Variants in BRWD3 observed in about 807,000 individuals in gnomAD.
The protein encoded by BRWD3 is bromodomain and WD repeat domain containing 3.
A neutral mutation model predicts 149.7 loss-of-function variants in BRWD3; 10 were observed. The ratio of observed to expected loss-of-function variants is 0.07; its 90% CI spans 0.04 to 0.11. The LOEUF (loss-of-function observed/expected upper bound fraction) is 0.11, where lower values mean the gene tolerates loss of function less well. Among genes scored for constraint, BRWD3 ranks in the 10% least tolerant of loss-of-function variants. The pLI is 1.00. For missense variants in BRWD3, 940 were observed against 1,373.2 expected, an observed-to-expected ratio of 0.68 and a Z score of 4.99; for synonymous variants, 504 against 456.7, an observed-to-expected ratio of 1.10 and a Z score of -1.32.
chrX:80,679,947 G>A (rs1479954107), intron 40 of BRWD3, among the ~76,000 whole-genome samples: 1 of 111,408 alleles, frequency 9.0e-6, no homozygotes, highest in Admixed American at 9.5e-5. Flanking sequence ...AAGATCAGAG[G>A]AGACACTAAA....
intron 14 of BRWD3, among the ~76,000 whole-genome samples, chrX:80,725,878 G>A (rs1311573580): frequency 9.3e-6 from 1 of 107,863 alleles, no homozygotes. Context: ...GTTTACATGT[G>A]TTACATGCCT....
chrX:80,692,335 G>A (rs2072624190), intron 28 of BRWD3, among the ~76,000 whole-genome samples, 185 bp from the exon 29 acceptor site: 1 of 111,809 alleles, frequency 8.9e-6, no homozygotes, highest in Admixed American at 9.5e-5. Flanking sequence ...ATGGTCCATC[G>A]CTATGAAACT....
chrX:80,793,935 T>G (rs2074209616), intron 4 of BRWD3, among the ~76,000 whole-genome samples, 163 bp from the exon 5 acceptor site: 1 of 112,518 alleles, frequency 8.9e-6, no homozygotes, highest in African/African-American at 3.2e-5. Context: ...TCCCAAAACT[T>G]TGGGAGGCTG....
chrX:80,686,406 G>T (rs1019938129), intron 35 of BRWD3, among the ~76,000 whole-genome samples: 2 of 106,231 alleles, frequency 1.9e-5, no homozygotes, highest in African/African-American at 3.4e-5. Flanking sequence ...ATGTACCCTA[G>T]AACTTAAAGT....
At chrX:80,755,195 C>T (rs970028187) in intron 6 of BRWD3, among the ~76,000 whole-genome samples, 3 of 109,211 alleles carry the variant, frequency 2.7e-5, no homozygotes, top group Admixed American at 9.8e-5. Context: ...TTTTAAAAAC[C>T]GCTTTACAAA....
chrX:80,756,229 C>T (rs931659605), intron 6 of BRWD3, among the ~76,000 whole-genome samples: 2 of 110,422 alleles, frequency 1.8e-5, no homozygotes, highest in African/African-American at 3.3e-5. Context: ...TAAGAAATAA[C>T]GTCGGCTCAT....
intron 14 of BRWD3, among the ~76,000 whole-genome samples, chrX:80,726,880 A>C (rs1011514369): frequency 1.8e-5 from 2 of 110,865 alleles, no homozygotes; most frequent in Non-Finnish European, 3.8e-5. Context: ...TCCCTTGCTA[A>C]AAGAATCAAT....
At chrX:80,724,218 T>C (rs187999644) in intron 15 of BRWD3, among the ~76,000 whole-genome samples, 9 of 112,061 alleles carry the variant, frequency 8.0e-5, no homozygotes, top group African/African-American at 2.9e-4. Context: ...TAAGTTGTAA[T>C]GCAATGAAGT....
intron 8 of BRWD3, among the ~76,000 whole-genome samples, chrX:80,737,041 C>T (rs1231852067): frequency 1.8e-5 from 2 of 111,963 alleles, no homozygotes; most frequent in Admixed American, 1.9e-4. Context: ...AAGTAATTTA[C>T]TTAGCTTCTT....
At chrX:80,723,608 C>A in intron 16 of BRWD3, 140 bp downstream of exon 16, 1 of 643,012 alleles carries the variant, frequency 1.6e-6, no homozygotes, top group Non-Finnish European at 2.3e-6. Flanking sequence ...CAATTGAGAA[C>A]CTTTACTAAG....
chrX:80,781,544 G>A (rs898962982), intron 6 of BRWD3, among the ~76,000 whole-genome samples: 6 of 111,010 alleles, frequency 5.4e-5, no homozygotes, highest in East Asian at 2.8e-4. Flanking sequence ...GAGGTTGGCC[G>A]ATGACTGCTC....
chrX:80,809,489 T>C lies in BRWD3; in HGVS notation c.-18A>G, dbSNP rs2074387571. ...GCCGCCATCCTTTTCCCGAGGGGGTTTGGGGGCTTCGCTCCGGAGGGGCTG... is the reference window on the plus strand; with the variant it reads ...GCCGCCATCCTTTTCCCGAGGGGGTCTGGGGGCTTCGCTCCGGAGGGGCTG... On this transcript the variant is annotated 5_prime_UTR_variant, in exon 1 of 41. Transcript: ENST00000373275. 6 of 1,142,258 alleles carry C rather than the reference T, an allele frequency of 5.3e-6. No homozygotes were observed. The highest frequency in any genetic ancestry group is 1.8e-5 in the African/African-American group (1 of 55,897). 94.1% of individuals were successfully genotyped at this position (1,142,258 alleles called of 1,213,427 possible). A position where few individuals can be genotyped will look rare whatever the true frequency, so the allele number is the denominator to read the frequency against.
chrX:80,784,762 A>G lies in BRWD3; in HGVS notation c.430+7092T>C, dbSNP rs1032147247. Among the ~76,000 whole-genome samples, 8 of 111,657 alleles carry G rather than the reference A, an allele frequency of 7.2e-5. No homozygotes were observed. The East Asian group carries it at 2.3e-3, about 32-fold the overall frequency. On this transcript the variant is annotated intron_variant, in intron 6 of 40. Coordinates refer to ENST00000373275, the MANE Select transcript of BRWD3 (RefSeq NM_153252.5). The stretch of plus-strand genomic sequence containing the variant: ...GCATAGTATTCCATGGTGTATATGT[A>G]CCTTTTCTTTATCCTGCCTATCATT...
At chrX:80,788,651 A>C (rs1269917502) in intron 6 of BRWD3, among the ~76,000 whole-genome samples, 1 of 112,291 alleles carries the variant, frequency 8.9e-6, no homozygotes, top group Non-Finnish European at 1.9e-5. Flanking sequence ...GAAATGAAGA[A>C]AGATATTCAT....
Position 80,722,742 on chromosome X carries a change from G to A in BRWD3, c.1696C>T (p.Arg566Cys), listed in dbSNP as rs1315684063. 5 of 1,210,696 alleles carry A rather than the reference G, an allele frequency of 4.1e-6. No individual in the cohort carries two copies. Among genetic ancestry groups the A allele is most frequent in the Non-Finnish European group, 5.6e-6 (5 of 894,569 alleles). The change falls in exon 17 of 41, where the codon CGT becomes TGT. Residue 566 changes from arginine to cysteine, a missense_variant. Around this residue, in one of 6 missense-constraint regions of BRWD3, gnomAD observed 209 missense variants for 396.8 expected, o/e 0.53. Coordinates refer to ENST00000373275, the MANE Select transcript of BRWD3 (RefSeq NM_153252.5). The stretch of plus-strand genomic sequence containing the variant: ...TCCAATACATAGTTATTGGCATCAC[G>A]AATAAGAGGACGATAATCCGTGTGG... The part of the protein sequence containing the change: ...FFHTDYRPLI[R>C]DANNYVLDEQ...
At chrX:80,705,149 C>T (rs2072845221) in intron 22 of BRWD3, among the ~76,000 whole-genome samples, 1 of 110,013 alleles carries the variant, frequency 9.1e-6, no homozygotes, top group Non-Finnish European at 1.9e-5. Context: ...GCCTGTAGTC[C>T]CAGCTACTCA....
At chrX:80,809,086 T>G in intron 2 of BRWD3, 44 bp from the exon 3 acceptor site, 3 of 1,171,799 alleles carry the variant, frequency 2.6e-6, no homozygotes, top group Non-Finnish European at 3.4e-6. Flanking sequence ...GCTCGGGCCA[T>G]CAACCCATTC....
At chrX:80,744,333 G>T (rs907405887) in intron 7 of BRWD3, 80 bp from the exon 8 acceptor site, 5 of 735,283 alleles carry the variant, frequency 6.8e-6, no homozygotes, top group African/African-American at 4.2e-5. Context: ...CCAAAAAGAA[G>T]ATTTTATTAA....
At chrX:80,699,866 TATG>T in intron 25 of BRWD3, 88 bp downstream of exon 25, 2 of 593,810 alleles carry the variant, frequency 3.4e-6, no homozygotes, top group Non-Finnish European at 5.7e-6. Flanking sequence ...AACAGTGAAA[TATG>T]CATAAAACTG....
Sources: allele counts gnomAD v4.1 joint callset (sites outside exome capture counted in the v4.1 genomes callset), GRCh38; gene constraint gnomAD v4.1.1; regional missense constraint gnomAD v4.1.1; transcripts MANE v1.5; gene names NCBI Gene and HGNC (gene_info 2026-07-23, HGNC 2026-07-21).